The following MAST4 variants were observed in gnomAD, a reference collection of about 807,000 sequenced individuals.
MAST4 encodes the protein microtubule-associated serine/threonine-protein kinase 4.
Under a neutral mutation model 162.7 loss-of-function variants are expected in MAST4, and 89 were observed. The ratio of observed to expected loss-of-function variants is 0.55; its 90% CI spans 0.46 to 0.65. MAST4 has a LOEUF of 0.65. Ranked by LOEUF, MAST4 falls within the 30% of genes least tolerant of loss-of-function variation. The pLI, the probability that MAST4 is intolerant of heterozygous loss-of-function variation, is 0.00. For synonymous variants in MAST4, 1,479 were observed against 1,361.1 expected, an observed-to-expected ratio of 1.09 and a Z score of -1.91; for missense variants, 3,153 against 3,374.0, an observed-to-expected ratio of 0.93 and a Z score of 1.62.
chr5:67,083,680 A>G (rs1370561918), intron 5 of MAST4, among the ~76,000 whole-genome samples: 1 of 152,216 alleles, frequency 6.6e-6, no homozygotes, highest in East Asian at 1.9e-4. Context: ...ATCCAGATTC[A>G]GTCTATAATT....
chr5:67,002,156 T>G (rs750428611), intron 4 of MAST4: 3 of 152,170 alleles, frequency 2.0e-5, no homozygotes, highest in Non-Finnish European at 2.9e-5. Context: ...CTTAGAGCCA[T>G]GTAAAGACCT....
chr5:66,754,918 A>T (rs1042831595), intron 1 of MAST4, among the ~76,000 whole-genome samples: 12 of 152,196 alleles, frequency 7.9e-5, no homozygotes, highest in African/African-American at 2.9e-4. Flanking sequence ...TCGCAGGTAG[A>T]GGAAATGATA....
intron 1 of MAST4, among the ~76,000 whole-genome samples, chr5:66,674,218 A>G (rs1053234135): frequency 7.2e-5 from 11 of 152,226 alleles, no homozygotes; most frequent in African/African-American, 2.2e-4. Context: ...TTATTGACCT[A>G]TGCTGGAATA....
intron 1 of MAST4, among the ~76,000 whole-genome samples, chr5:66,651,606 G>A (rs1746225359): frequency 6.6e-6 from 1 of 151,842 alleles, no homozygotes; most frequent in Admixed American, 6.6e-5. Context: ...CTTTATTGCT[G>A]TGTGACAAAT....
chr5:67,092,459 C>T (rs1216174558), intron 6 of MAST4, among the ~76,000 whole-genome samples: 2 of 152,148 alleles, frequency 1.3e-5, no homozygotes, highest in Admixed American at 6.5e-5. Context: ...AAAGTGAGAA[C>T]CATAGTATAG....
At chr5:67,046,921 C>G (rs554013647) in intron 4 of MAST4, among the ~76,000 whole-genome samples, 1 of 152,150 alleles carries the variant, frequency 6.6e-6, no homozygotes, top group South Asian at 2.1e-4. Context: ...CCAATAAGGT[C>G]AATAATTACA....
intron 3 of MAST4, among the ~76,000 whole-genome samples, chr5:66,893,456 G>T (rs1561421237): frequency 1.3e-5 from 2 of 151,650 alleles, no homozygotes; most frequent in Non-Finnish European, 2.9e-5. Context: ...TCGAACTCCT[G>T]ACCTCAAGTG....
At chr5:67,087,663 A>T (rs940641817) in intron 5 of MAST4, among the ~76,000 whole-genome samples, 5 of 152,236 alleles carry the variant, frequency 3.3e-5, no homozygotes, top group African/African-American at 1.2e-4. Context: ...GCTCTAGCCC[A>T]CATCACTCTC....
At chr5:67,152,152 G>A (rs970269346) in intron 24 of MAST4, among the ~76,000 whole-genome samples, 1 of 152,184 alleles carries the variant, frequency 6.6e-6, no homozygotes, top group African/African-American at 2.4e-5. Flanking sequence ...CTGGCCATGT[G>A]TGTTGAAAAG....
chr5:66,669,213 T>A (rs1438894382), intron 1 of MAST4, among the ~76,000 whole-genome samples: 1 of 152,182 alleles, frequency 6.6e-6, no homozygotes, highest in Non-Finnish European at 1.5e-5. Flanking sequence ...AGGGTGATCT[T>A]CTCAACCTCT....
At chr5:66,768,511 A>G (rs75654725) in intron 2 of MAST4, among the ~76,000 whole-genome samples, 1,617 of 152,192 alleles carry the variant, frequency 0.011, 33 homozygotes, top group African/African-American at 0.036. Context: ...CCAGAAAATT[A>G]TGTTAAGTGA....
chr5:67,159,105 G>A lies in MAST4; in HGVS notation c.3649-1351G>A, dbSNP rs1409901751. On this transcript the variant is annotated intron_variant, in intron 26 of 28. Transcript: ENST00000403625. ...ATAATTTTGATTCACCCATCTGATC[G>A]GATATATTGCTCAGCCAGTAAAAAT... is the stretch of plus-strand genomic sequence containing the variant. Among the ~76,000 whole-genome samples the A allele has an allele frequency of 2.6e-5, 4 of 152,204 alleles. No individual in the cohort carries two copies. The East Asian group carries it at 5.8e-4, about 22-fold the overall frequency.
At chr5:66,819,864 C>T (rs980075240) in intron 3 of MAST4, among the ~76,000 whole-genome samples, 3 of 151,340 alleles carry the variant, frequency 2.0e-5, no homozygotes, top group African/African-American at 7.3e-5. Context: ...GCTTAGATCT[C>T]CCAGGCTCAA....
intron 5 of MAST4, among the ~76,000 whole-genome samples, chr5:67,068,480 C>A (rs962409256): frequency 6.6e-6 from 1 of 152,152 alleles, no homozygotes; most frequent in East Asian, 1.9e-4. Flanking sequence ...CTCCCTATCA[C>A]GAGAATAGCA....
At chr5:66,993,375 A>C (rs1399407960) in intron 4 of MAST4, among the ~76,000 whole-genome samples, 1 of 152,258 alleles carries the variant, frequency 6.6e-6, no homozygotes, top group Non-Finnish European at 1.5e-5. Flanking sequence ...AGACATACAC[A>C]GATGAATAGA....
At chr5:66,787,571 G>C (rs1755174967) in intron 2 of MAST4, among the ~76,000 whole-genome samples, 1 of 152,216 alleles carries the variant, frequency 6.6e-6, no homozygotes, top group South Asian at 2.1e-4. Context: ...TTATTAACCA[G>C]TACAATGTGC....
At chr5:67,066,921 A>G (rs1227727518) in intron 5 of MAST4, among the ~76,000 whole-genome samples, 1 of 152,124 alleles carries the variant, frequency 6.6e-6, no homozygotes, top group Admixed American at 6.5e-5. Context: ...AGGCACCAAG[A>G]TAACTTTACA....
intron 4 of MAST4, among the ~76,000 whole-genome samples, chr5:66,981,154 G>A (rs181172171): frequency 4.3e-4 from 64 of 150,316 alleles, no homozygotes; most frequent in Admixed American, 1.5e-3. Context: ...GGTAAAACAT[G>A]TGACTTTGAG....
intron 1 of MAST4, among the ~76,000 whole-genome samples, chr5:66,686,185 C>T (rs1033633932): frequency 1.1e-4 from 17 of 152,086 alleles, no homozygotes; most frequent in African/African-American, 2.4e-5. Flanking sequence ...TAATATTAAC[C>T]TCTCTAAGCC....
Sources: allele counts gnomAD v4.1 joint callset (sites outside exome capture counted in the v4.1 genomes callset), GRCh38; gene constraint gnomAD v4.1.1; transcripts MANE v1.5; gene names NCBI Gene and HGNC (gene_info 2026-07-23, HGNC 2026-07-21).